Variants in TSPEAR observed in about 807,000 individuals in gnomAD.
TSPEAR encodes the protein thrombospondin-type laminin G domain and EAR repeat-containing protein.
Under a neutral mutation model 71.6 loss-of-function variants are expected in TSPEAR, and 69 were observed. The ratio of observed to expected loss-of-function variants is 0.96; its 90% CI spans 0.79 to 1.18. The LOEUF is 1.18. Among genes scored for constraint, TSPEAR ranks in the 50% most tolerant of loss-of-function variants. The pLI, the probability that TSPEAR is intolerant of heterozygous loss-of-function variation, is 0.00. For synonymous variants in TSPEAR, 402 were observed against 387.2 expected (o/e 1.04, Z -0.45); for missense variants, 971 against 894.9 (o/e 1.09, Z -1.09).
intron 1 of TSPEAR, chr21:44,613,022 C>A (rs1555931652): frequency 2.4e-6 from 3 of 1,251,814 alleles, no homozygotes; most frequent in Admixed American, 4.5e-5. Context: ...TGACCTCTCC[C>A]TCCTTACTCC....
chr21:44,513,609 G>C (rs182335065), intron 9 of TSPEAR, among the ~76,000 whole-genome samples: 1 of 152,180 alleles, frequency 6.6e-6, no homozygotes, highest in African/African-American at 2.4e-5. Context: ...TGGTGCTTCC[G>C]GGACTTGGCA....
intron 1 of TSPEAR, chr21:44,702,844 A>G (rs1987724653): frequency 1.1e-6 from 1 of 915,280 alleles, no homozygotes; most frequent in Non-Finnish European, 1.7e-6. Context: ...GTTCCCCCCA[A>G]CCTCTCCCAC....
At chr21:44,578,920 G>C (rs1358225726) in intron 1 of TSPEAR, among the ~76,000 whole-genome samples, 1 of 152,220 alleles carries the variant, frequency 6.6e-6, no homozygotes, top group African/African-American at 2.4e-5. Context: ...TGCCCCCAGA[G>C]GAGGGCCTGG....
At chr21:44,500,770 ATATT>A (rs1403384914) in intron 11 of TSPEAR, among the ~76,000 whole-genome samples, 16 of 152,142 alleles carry the variant, frequency 1.1e-4, no homozygotes, top group African/African-American at 3.6e-4. Flanking sequence ...CTAAAAATTC[ATATT>A]TATATCTTTT....
At chr21:44,499,967 C>G (rs2051996876) in intron 11 of TSPEAR, 31 bp from the exon 12 acceptor site, 9 of 1,578,482 alleles carry the variant, frequency 5.7e-6, no homozygotes, top group Non-Finnish European at 7.7e-6. Flanking sequence ...GCCGGGTCAG[C>G]CTGGGCTCTG....
At chr21:44,697,048 GCCCATCCAGCACCCAGACGCTCA>G in intron 1 of TSPEAR, 1 of 866,614 alleles carries the variant, frequency 1.2e-6, no homozygotes. Context: ...CCTCCCTCCT[GCCCATCCAGCACCCAGACGCTCA>G]CTCACTCCCT....
intron 2 of TSPEAR, among the ~76,000 whole-genome samples, chr21:44,562,560 C>G (rs2053652108): frequency 6.6e-6 from 1 of 152,114 alleles, no homozygotes; most frequent in Non-Finnish European, 1.5e-5. Context: ...GATACGCAAA[C>G]AGACATATCA....
rs1407508638 is a variant in TSPEAR at position 44,687,932 on chromosome 21, C to T, written c.82+23501G>A. ...TGCAGTGCCTGTGAAATATGATGCACTGACAGAGGCCGGCTCGGGGGTGAG... is the reference window on the plus strand; with the variant it reads ...TGCAGTGCCTGTGAAATATGATGCATTGACAGAGGCCGGCTCGGGGGTGAG... On this transcript the variant is annotated intron_variant, in intron 1 of 11. Coordinates refer to ENST00000323084, the MANE Select transcript of TSPEAR (RefSeq NM_144991.3). This position sits in a 1 kb window ranked among gnomAD's most constrained non-coding sequence, Gnocchi z 4.4. 6.6e-6 allele frequency among the ~76,000 whole-genome samples: 1 copy of T among 152,192 alleles called. No homozygotes were observed. Among genetic ancestry groups the T allele is most frequent in the African/African-American group, 2.4e-5 (1 of 41,442 alleles).
At chr21:44,499,969 TG>T in intron 11 of TSPEAR, 33 bp from the exon 12 acceptor site, 15 of 1,575,282 alleles carry the variant, frequency 9.5e-6, no homozygotes, top group Non-Finnish European at 1.3e-5. Context: ...CGGGTCAGCC[TG>T]GGCTCTGCGG....
At chr21:44,513,489 TGCTGG>T (rs1215143085) in intron 9 of TSPEAR, among the ~76,000 whole-genome samples, 1 of 152,228 alleles carries the variant, frequency 6.6e-6, no homozygotes, top group Admixed American at 6.5e-5. Context: ...ACCAGGCACC[TGCTGG>T]GCTGGGCAGG....
At chr21:44,524,568 TAGTC>T (rs1209125265) in intron 8 of TSPEAR, among the ~76,000 whole-genome samples, 3 of 150,332 alleles carry the variant, frequency 2.0e-5, no homozygotes, top group Non-Finnish European at 4.4e-5. Flanking sequence ...TGTAGTCAGG[TAGTC>T]AGTCAATCAG....
chr21:44,536,835 A>C (rs2053098240), intron 2 of TSPEAR, among the ~76,000 whole-genome samples: 1 of 152,242 alleles, frequency 6.6e-6, no homozygotes, highest in African/African-American at 2.4e-5. Flanking sequence ...GAACTTGCAA[A>C]GGAAAGGAGC....
At chr21:44,646,689 G>T (rs1888526) in intron 1 of TSPEAR, 1 of 1,614,008 alleles carries the variant, frequency 6.2e-7, no homozygotes, top group Non-Finnish European at 8.5e-7. Flanking sequence ...CCTGCACGCC[G>T]TCATGCTGCC....
chr21:44,578,982 G>C (rs1325473129), intron 1 of TSPEAR, among the ~76,000 whole-genome samples: 2 of 152,214 alleles, frequency 1.3e-5, no homozygotes, highest in Non-Finnish European at 2.9e-5. Context: ...ACTCCATGAT[G>C]CTTTCGTCCT....
At position 44,643,911 on chromosome 21, in the gene TSPEAR, G is replaced by A. The variant is rs1254120231; in HGVS notation, c.82+67522C>T. Among the ~76,000 whole-genome samples, 6 of 152,364 alleles carry A rather than the reference G, an allele frequency of 3.9e-5. 1 individual carries two copies. The highest frequency in any genetic ancestry group is 3.8e-4 in the East Asian group (2 of 5,196). On this transcript the variant is annotated intron_variant, in intron 1 of 11. Coordinates refer to ENST00000323084, the MANE Select transcript of TSPEAR (RefSeq NM_144991.3). The stretch of plus-strand genomic sequence containing the variant: ...AAGACCAGAGGGCTGCTGTCATCGC[G>A]TCTCCAGCATTGTGCTGGGCAGCCA...
At chr21:44,707,186 G>GGGGTGA (rs1987967321) in intron 1 of TSPEAR, among the ~76,000 whole-genome samples, 2 of 152,242 alleles carry the variant, frequency 1.3e-5, no homozygotes, top group South Asian at 4.1e-4. Context: ...GATTAGGACG[G>GGGGTGA]GGGTGACAGC....
At chr21:44,618,315 ATG>A (rs1555932943) in intron 1 of TSPEAR, among the ~76,000 whole-genome samples, 47 of 152,320 alleles carry the variant, frequency 3.1e-4, no homozygotes, top group African/African-American at 1.1e-3. Context: ...GCCTTCCACC[ATG>A]ACTGTAAGTT....
In TSPEAR at chr21:44,672,577, A is replaced by C. The variant is rs587689082; in HGVS notation, c.82+38856T>G. Among the ~76,000 whole-genome samples the C allele has an allele frequency of 3.2e-4, 49 of 152,030 alleles. 1 individual carries two copies. In the South Asian group the frequency reaches 7.7e-3, roughly 24 times the overall value. On this transcript the variant is annotated intron_variant, in intron 1 of 11. Coordinates refer to ENST00000323084, the MANE Select transcript of TSPEAR (RefSeq NM_144991.3). ...AGAGCAAAACTCCGTCTCAAAACAA[A>C]AAAAAAAGAAAACCTATTTAGCAAA...
At chr21:44,591,859 C>A in intron 1 of TSPEAR, 1 of 1,605,760 alleles carries the variant, frequency 6.2e-7, no homozygotes, top group Non-Finnish European at 8.5e-7. Flanking sequence ...AGACTGCTGG[C>A]AGCATGAGGG....
Sources: gnomAD v4.1 joint callset for allele counts (sites outside exome capture counted in the v4.1 genomes callset) on GRCh38, gnomAD v4.1.1 for gene constraint, Gnocchi (gnomAD v3.1) non-coding constraint, MANE v1.5 for transcripts, NCBI Gene and HGNC (gene_info 2026-07-23, HGNC 2026-07-21) for gene names.